Variants in CEP112 observed in about 807,000 individuals in gnomAD.
CEP112 encodes the protein centrosomal protein of 112 kDa.
In CEP112, 127 loss-of-function variants were observed where a neutral mutation model predicts 153.0. The observed-to-expected ratio is 0.83, with a 90% CI of 0.72 to 0.96. The LOEUF (loss-of-function observed/expected upper bound fraction) is 0.96, where lower values mean the gene tolerates loss of function less well. Ranked by LOEUF, CEP112 falls within the 40% of genes least tolerant of loss-of-function variation. The pLI is 0.00. For synonymous variants in CEP112, 358 were observed against 374.4 expected (o/e 0.96, Z 0.51); for missense variants, 1,089 against 1,101.2 (o/e 0.99, Z 0.16).
Position 66,028,292 on chromosome 17 carries a change from G to A in CEP112, c.1596+21C>T, listed in dbSNP as rs746291865. The A allele has an allele frequency of 8.6e-6, 12 of 1,400,176 alleles. No individual in the cohort carries two copies. In the Admixed American group the frequency reaches 1.8e-4, roughly 21 times the overall value. The allele number at this position is 1,400,176 out of a possible 1,614,324, so 86.7% of individuals were successfully genotyped here. On this transcript the variant is annotated intron_variant, in intron 15 of 26. Transcript: ENST00000535342. ...AACTGTGTTTGACCATTGTTCTTCTGTGTAGAAATACAAGACTCACCCTTA... is the reference window on the plus strand; with the variant it reads ...AACTGTGTTTGACCATTGTTCTTCTATGTAGAAATACAAGACTCACCCTTA...
intron 6 of CEP112, among the ~76,000 whole-genome samples, chr17:66,123,135 A>T (rs2069677147): frequency 6.6e-6 from 1 of 152,176 alleles, no homozygotes; most frequent in South Asian, 2.1e-4. Flanking sequence ...TCCTATGAAC[A>T]AGTCGAGGTA....
At chr17:65,655,138 A>C in intron 24 of CEP112, 1 of 736,980 alleles carries the variant, frequency 1.4e-6, no homozygotes, top group East Asian at 2.6e-5. Context: ...GGGAGATAAT[A>C]ATGTCATTGA....
rs1599039666 is a variant in CEP112 at position 65,927,463 on chromosome 17, G to C, written c.1980+119C>G. 4.3e-5 allele frequency: 26 copies of C among 600,104 alleles called. No homozygotes were observed. The East Asian group carries it at 8.4e-4, about 19-fold the overall frequency. 37.2% of individuals were successfully genotyped at this position (600,104 alleles called of 1,614,324 possible). ...AACAAACATTATTTTAAATATATTG[G>C]TAACAACAGCTCTTAGTAATATTTT... On this transcript the variant is annotated intron_variant, in intron 19 of 26. Coordinates refer to ENST00000535342, the MANE Select transcript of CEP112 (RefSeq NM_001199165.4).
chr17:65,960,695 T>G lies in CEP112; in HGVS notation c.1872+768A>C, dbSNP rs1442307026. Among the ~76,000 whole-genome samples, 5 of 152,374 alleles carry G rather than the reference T, an allele frequency of 3.3e-5. No homozygotes were observed. In the East Asian group the frequency reaches 9.6e-4, roughly 29 times the overall value. On this transcript the variant is annotated intron_variant, in intron 18 of 26. Coordinates refer to ENST00000535342, the MANE Select transcript of CEP112 (RefSeq NM_001199165.4). Reference sequence around the variant, plus strand: ...TGCACATGGCAAATTCAAGTTTTACTTTTTGGAGCATTGTCAAATTTTTCC... The same window carrying G: ...TGCACATGGCAAATTCAAGTTTTACGTTTTGGAGCATTGTCAAATTTTTCC...
At chr17:66,002,984 G>A (rs1455500296) in intron 17 of CEP112, among the ~76,000 whole-genome samples, 2 of 152,246 alleles carry the variant, frequency 1.3e-5, no homozygotes, top group South Asian at 2.1e-4. Context: ...CAGATCTAAC[G>A]CTATTCTTAG....
chr17:66,037,355 C>T (rs934820906), intron 12 of CEP112, among the ~76,000 whole-genome samples: 1 of 152,224 alleles, frequency 6.6e-6, no homozygotes. Flanking sequence ...TCCTTCTTCC[C>T]GTGACCACCT....
At chr17:66,120,713 C>T (rs2069536361) in intron 6 of CEP112, among the ~76,000 whole-genome samples, 1 of 152,028 alleles carries the variant, frequency 6.6e-6, no homozygotes, top group South Asian at 2.1e-4. Flanking sequence ...GATATCTTCT[C>T]TTTCATTCTT....
At chr17:65,723,491 T>G (rs1194529265) in intron 23 of CEP112, among the ~76,000 whole-genome samples, 1 of 152,184 alleles carries the variant, frequency 6.6e-6, no homozygotes, top group Non-Finnish European at 1.5e-5. Context: ...GAAGCCAAGT[T>G]TATTGGGAGG....
intron 21 of CEP112, among the ~76,000 whole-genome samples, chr17:65,846,557 TTTTTGTTTTGTTTTG>T (rs534407866): frequency 3.3e-5 from 5 of 152,050 alleles, no homozygotes; most frequent in East Asian, 3.9e-4. Flanking sequence ...ATTATCATTC[TTTTTGTTTTGTTTTG>T]TTTTGTTTTG....
At chr17:65,901,983 CGG>C (rs1193965831) in intron 20 of CEP112, among the ~76,000 whole-genome samples, 167 bp downstream of exon 20, 11 of 4,934 alleles carry the variant, frequency 2.2e-3, no homozygotes, top group East Asian at 5.8e-3. Context: ...CATCCCAAAA[CGG>C]GGGGGGGGGG....
chr17:65,862,693 T>C (rs2058348624), intron 20 of CEP112, among the ~76,000 whole-genome samples: 1 of 152,198 alleles, frequency 6.6e-6, no homozygotes, highest in Non-Finnish European at 1.5e-5. Flanking sequence ...GACATATTCT[T>C]TGTATGTATC....
intron 19 of CEP112, among the ~76,000 whole-genome samples, chr17:65,905,771 T>TA (rs2060050945): frequency 1.3e-5 from 2 of 151,836 alleles, no homozygotes; most frequent in Admixed American, 6.6e-5. Context: ...CTACTAAAAA[T>TA]AAAAAAACAA....
intron 21 of CEP112, among the ~76,000 whole-genome samples, chr17:65,840,564 T>C (rs1303720656): frequency 6.6e-6 from 1 of 152,006 alleles, no homozygotes; most frequent in Admixed American, 6.5e-5. Context: ...GAAGAAGATA[T>C]TGGTCTAGGC....
chr17:65,693,224 C>T (rs1319878316), intron 23 of CEP112, among the ~76,000 whole-genome samples: 8 of 152,090 alleles, frequency 5.3e-5, no homozygotes, highest in Non-Finnish European at 1.0e-4. Flanking sequence ...GAGTGCTACA[C>T]TCGGCGTCCC....
At chr17:66,185,766 C>T (rs906565654) in intron 1 of CEP112, among the ~76,000 whole-genome samples, 57 of 152,242 alleles carry the variant, frequency 3.7e-4, no homozygotes, top group Admixed American at 3.3e-3. Flanking sequence ...TCATTTATTC[C>T]ATTTACAAAT....
At chr17:66,096,653 C>T (rs759478233) in intron 6 of CEP112, 21 bp from the exon 7 acceptor site, 1 of 1,465,632 alleles carries the variant, frequency 6.8e-7, no homozygotes, top group Admixed American at 1.7e-5. Context: ...AAAAATAAAA[C>T]AAAATAAGGA....
intron 20 of CEP112, among the ~76,000 whole-genome samples, chr17:65,852,383 TTCCC>T (rs2057983619): frequency 2.0e-5 from 1 of 51,146 alleles, no homozygotes; most frequent in African/African-American, 8.6e-5. Flanking sequence ...CCTTCCTTCC[TTCCC>T]TCCCTCCCTT....
At chr17:66,041,186 T>A (rs1023663379) in intron 12 of CEP112, among the ~76,000 whole-genome samples, 2 of 150,934 alleles carry the variant, frequency 1.3e-5, no homozygotes, top group Non-Finnish European at 2.9e-5. Context: ...AAGGAGAAAA[T>A]GATTTTAGAA....
intron 21 of CEP112, among the ~76,000 whole-genome samples, chr17:65,772,172 T>A (rs1198822111): frequency 1.3e-5 from 2 of 152,106 alleles, no homozygotes; most frequent in African/African-American, 2.4e-5. Context: ...GAAAAATAAG[T>A]GGTATAAGCT....
Sources: gnomAD v4.1 joint callset for allele counts (sites outside exome capture counted in the v4.1 genomes callset) on GRCh38, gnomAD v4.1.1 for gene constraint, MANE v1.5 for transcripts, NCBI Gene and HGNC (gene_info 2026-07-23, HGNC 2026-07-21) for gene names.